The following RNF150 variants were observed in gnomAD, a reference collection of about 807,000 sequenced individuals.
RNF150 encodes ring finger protein 150.
RNF150 carries 24 observed loss-of-function variants against 39.3 expected under a neutral mutation model. The ratio of observed to expected loss-of-function variants is 0.61; its 90% CI spans 0.44 to 0.86. The LOEUF is 0.86. Among genes scored for constraint, RNF150 ranks in the 40% least tolerant of loss-of-function variants. RNF150 has a pLI of 0.00. For missense variants in RNF150, 502 were observed against 587.8 expected (o/e 0.85, Z 1.51); for synonymous variants, 255 against 227.3 (o/e 1.12, Z -1.10).
At chr4:141,204,894 T>C (rs1451443865) in intron 1 of RNF150, among the ~76,000 whole-genome samples, 4 of 152,182 alleles carry the variant, frequency 2.6e-5, no homozygotes, top group Non-Finnish European at 5.9e-5. Context: ...TTAAAGGACC[T>C]TTTTCATATA....
At chr4:140,905,098 C>T (rs964288246) in intron 6 of RNF150, among the ~76,000 whole-genome samples, 1 of 152,156 alleles carries the variant, frequency 6.6e-6, no homozygotes, top group Non-Finnish European at 1.5e-5. Context: ...GGGTGGTTTG[C>T]AGTGGTAGGC....
chr4:141,064,204 C>T (rs957647862), intron 1 of RNF150, among the ~76,000 whole-genome samples: 3 of 152,144 alleles, frequency 2.0e-5, no homozygotes, highest in African/African-American at 7.2e-5. Context: ...TACTAATTTT[C>T]CCATTTTACA....
chr4:141,200,288 T>C (rs1728269951), intron 1 of RNF150, among the ~76,000 whole-genome samples: 1 of 152,134 alleles, frequency 6.6e-6, no homozygotes, highest in African/African-American at 2.4e-5. Flanking sequence ...GGGCCTCTTT[T>C]ATAAGGGCAC....
intron 6 of RNF150, among the ~76,000 whole-genome samples, chr4:140,902,188 G>A (rs1730212653): frequency 6.6e-6 from 1 of 152,158 alleles, no homozygotes; most frequent in Admixed American, 6.5e-5. Context: ...GTGGCAGAGG[G>A]AAATGGCACA....
intron 6 of RNF150, among the ~76,000 whole-genome samples, chr4:140,903,234 T>C (rs1397705052): frequency 6.6e-6 from 1 of 152,098 alleles, no homozygotes; most frequent in East Asian, 1.9e-4. Context: ...GTTTCCGTGG[T>C]ATCAGTTTAC....
At chr4:141,031,267 A>G (rs987214643) in intron 1 of RNF150, among the ~76,000 whole-genome samples, 1 of 152,130 alleles carries the variant, frequency 6.6e-6, no homozygotes, top group African/African-American at 2.4e-5. Flanking sequence ...TTCAAAAGGG[A>G]TTTTGAACAG....
At chr4:140,940,442 C>T (rs1184144697) in intron 4 of RNF150, among the ~76,000 whole-genome samples, 1 of 151,766 alleles carries the variant, frequency 6.6e-6, no homozygotes, top group South Asian at 2.1e-4. Flanking sequence ...AATAGTTAGG[C>T]AAATAAATTA....
intron 1 of RNF150, among the ~76,000 whole-genome samples, chr4:141,167,764 C>G (rs955318137): frequency 6.6e-6 from 1 of 152,090 alleles, no homozygotes. Context: ...AACTGAACTC[C>G]TTCTTTACAC....
chr4:141,174,887 G>GAAAAAA (rs548297378), intron 1 of RNF150, among the ~76,000 whole-genome samples: 1 of 126,582 alleles, frequency 7.9e-6, no homozygotes. Flanking sequence ...CCTGTATCAG[G>GAAAAAA]AAAAAAAAAA....
intron 1 of RNF150, among the ~76,000 whole-genome samples, chr4:141,187,977 G>T (rs548659917): frequency 1.8e-4 from 28 of 152,242 alleles, no homozygotes; most frequent in African/African-American, 6.3e-4. Context: ...TTTTCCAGTG[G>T]CTGGTAACGG....
At chr4:141,136,076 C>T (rs1045027932), upstream of RNF150, among the ~76,000 whole-genome samples, 2 of 152,120 alleles carry the variant, frequency 1.3e-5, no homozygotes, top group Admixed American at 6.5e-5. Flanking sequence ...CAGAGAAAAA[C>T]AGAAGAACTG....
chr4:141,140,132 G>A (rs1727094319), intron 1 of RNF150, among the ~76,000 whole-genome samples: 1 of 152,154 alleles, frequency 6.6e-6, no homozygotes, highest in Non-Finnish European at 1.5e-5. Context: ...TACAAGTACT[G>A]CAGATGGAAA....
At chr4:141,159,955 A>C (rs4956353) in intron 1 of RNF150, among the ~76,000 whole-genome samples, 73,485 of 151,754 alleles carry the variant, frequency 0.48, 18,337 homozygotes, top group East Asian at 0.81. Context: ...TACAATTCGC[A>C]ACAATTGTGA....
intron 1 of RNF150, among the ~76,000 whole-genome samples, chr4:141,027,943 T>G (rs1168322561): frequency 7.3e-6 from 1 of 136,400 alleles, no homozygotes. Flanking sequence ...TTTTTTTTTT[T>G]TTTTTTTTTC....
At chr4:140,979,330 T>C (rs11100698) in intron 1 of RNF150, among the ~76,000 whole-genome samples, 46,468 of 151,898 alleles carry the variant, frequency 0.31, 7,870 homozygotes, top group East Asian at 0.71. Context: ...ATCTTGATAA[T>C]AATATCATAA....
intron 1 of RNF150, among the ~76,000 whole-genome samples, chr4:141,138,652 G>A (rs1181804219): frequency 6.6e-6 from 1 of 152,182 alleles, no homozygotes; most frequent in East Asian, 1.9e-4. Flanking sequence ...TAGTGGTGGA[G>A]TTGGACATTT....
intron 1 of RNF150, among the ~76,000 whole-genome samples, chr4:141,066,477 G>A (rs1359883996): frequency 6.6e-6 from 1 of 152,014 alleles, no homozygotes; most frequent in East Asian, 1.9e-4. Flanking sequence ...TTTTCAGTGA[G>A]TTTACACTTC....
intron 1 of RNF150, among the ~76,000 whole-genome samples, chr4:141,018,093 C>A (rs566270171): frequency 2.8e-5 from 4 of 144,092 alleles, no homozygotes; most frequent in Non-Finnish European, 5.9e-5. Flanking sequence ...AATTTCCTAA[C>A]TATTAATAGA....
upstream of RNF150, among the ~76,000 whole-genome samples, chr4:141,134,302 G>A (rs926163215): frequency 2.6e-5 from 4 of 152,160 alleles, no homozygotes; most frequent in Middle Eastern, 3.2e-3. Flanking sequence ...GTACAGCAGA[G>A]TGCCTTACCA....
Sources: gnomAD v4.1 joint callset for allele counts (sites outside exome capture counted in the v4.1 genomes callset) on GRCh38, gnomAD v4.1.1 for gene constraint, MANE v1.5 for transcripts, NCBI Gene and HGNC (gene_info 2026-07-23, HGNC 2026-07-21) for gene names.